The following NLRC5 variants were observed in gnomAD, a reference collection of about 807,000 sequenced individuals.
The protein encoded by NLRC5 is protein NLRC5.
NLRC5 carries 114 observed loss-of-function variants against 206.9 expected under a neutral mutation model. The observed-to-expected ratio is 0.55, with a 90% CI of 0.47 to 0.64. NLRC5 has a LOEUF of 0.64. NLRC5 is among the 30% of genes least tolerant of loss of function. The probability of loss-of-function intolerance (pLI) is 0.00; values close to 1 mark genes in which losing one functional copy is unlikely to be tolerated. For missense variants in NLRC5, 2,008 were observed against 2,305.5 expected, an observed-to-expected ratio of 0.87 and a Z score of 2.64; for synonymous variants, 952 against 962.8, an observed-to-expected ratio of 0.99 and a Z score of 0.21.
chr16:57,007,583 A>T (rs1243520169), intron 1 of NLRC5, among the ~76,000 whole-genome samples: 2 of 151,460 alleles, frequency 1.3e-5, no homozygotes, highest in Admixed American at 6.6e-5. Flanking sequence ...AAAAAAAATT[A>T]ATCAGGCATG....
intron 14 of NLRC5, among the ~76,000 whole-genome samples, chr16:57,036,636 G>A (rs2062615823): frequency 6.6e-6 from 1 of 151,464 alleles, no homozygotes; most frequent in Admixed American, 6.6e-5. Context: ...GTGCTGTGGT[G>A]TTGCATGGGG....
Position 57,026,862 on chromosome 16 carries a change from C to G in NLRC5, c.1919C>G (p.Pro640Arg), listed in dbSNP as rs1207249409. The G allele has an allele frequency of 6.2e-7, 1 of 1,614,216 alleles. No individual in the cohort carries two copies. The change falls in exon 6 of 49, where the codon CCC becomes CGC. Residue 640 changes from proline (P) to arginine (R), a missense_variant. Coordinates refer to ENST00000688547, the MANE Select transcript of NLRC5 (RefSeq NM_001384950.1). Reference sequence around the variant, plus strand: ...GCACAAAGCCTCCCCTATCAACTGCCCTTCCACAATTTCCCACTGACCTGC... The same window carrying G: ...GCACAAAGCCTCCCCTATCAACTGCGCTTCCACAATTTCCCACTGACCTGC... The part of the protein sequence containing the change: ...LTAQSLPYQL[P>R]FHNFPLTCTD...
rs990685214 is a variant in NLRC5, at chr16:57,021,693, T to A, written c.296-563T>A. ...GCTAGAGGTGTTTTTGTTTGTTTGTTTGTTTTGCAACATGGTCAGAAACAG... is the reference window on the plus strand; with the variant it reads ...GCTAGAGGTGTTTTTGTTTGTTTGTATGTTTTGCAACATGGTCAGAAACAG... On this transcript the variant is annotated intron_variant, in intron 3 of 48. Coordinates refer to ENST00000688547, the MANE Select transcript of NLRC5 (RefSeq NM_001384950.1). 2.0e-5 allele frequency among the ~76,000 whole-genome samples: 3 copies of A among 152,212 alleles called. No homozygotes were observed. In the South Asian group the frequency reaches 6.2e-4, roughly 31 times the overall value.
At position 57,026,049 on chromosome 16, in the gene NLRC5, G is replaced by A. The variant is rs768908242; in HGVS notation, c.1106G>A (p.Gly369Glu). ...AAMVHMLGFD[G>E]PRVEEYVNHF... ...ATGGTCCACATGTTGGGCTTTGATGGGCCACGGGTGGAAGAATATGTGAAT... is the reference window on the plus strand; with the variant it reads ...ATGGTCCACATGTTGGGCTTTGATGAGCCACGGGTGGAAGAATATGTGAAT... The change falls in exon 6 of 49, where the codon GGG (glycine) becomes GAG (glutamate). Residue 369 changes from glycine to glutamate, a missense_variant. Gly to Glu is a moderately conservative substitution (Grantham distance 98). Coordinates refer to ENST00000688547, the MANE Select transcript of NLRC5 (RefSeq NM_001384950.1). The A allele has an allele frequency of 9.9e-6, 16 of 1,614,028 alleles. No individual in the cohort carries two copies. Among genetic ancestry groups the A allele is most frequent in the Non-Finnish European group, 1.4e-5 (16 of 1,180,036 alleles).
Position 57,026,963 on chromosome 16 carries a change from CT to C in NLRC5, c.2021del (p.Leu674ArgfsTer10). 6.2e-7 allele frequency: 1 copy of C among 1,614,158 alleles called. No individual in the cohort carries two copies. The highest frequency in any genetic ancestry group is 8.5e-7 in the Non-Finnish European group (1 of 1,180,016). On this transcript the variant is annotated frameshift_variant, in exon 6 of 49. Coordinates refer to ENST00000688547, the MANE Select transcript of NLRC5 (RefSeq NM_001384950.1). LOFTEE classifies it high-confidence loss of function. ...PIHLDFDGCPLEPHCPEALVG... is the reference protein window; with the variant it reads ...PIHLDFDGCPXEPHCPEALVG... ...CCACCTGGATTTTGATGGCTGTCCC[CT>C]GGAGCCCCACTGCCCTGAGGCTCTG...
intron 43 of NLRC5, among the ~76,000 whole-genome samples, chr16:57,078,758 A>G (rs2145121336): frequency 6.6e-6 from 1 of 152,278 alleles, no homozygotes; most frequent in East Asian, 1.9e-4. Flanking sequence ...GGCGTGAGCC[A>G]CCATGGCTGG....
In NLRC5 at chr16:57,021,080, G is replaced by A. The variant is rs564279381; in HGVS notation, c.295+73G>A. The A allele has an allele frequency of 7.8e-6, 11 of 1,404,972 alleles. No individual in the cohort carries two copies. The East Asian group carries it at 2.1e-4, about 27-fold the overall frequency. 87.0% of individuals were successfully genotyped at this position (1,404,972 alleles called of 1,614,324 possible). On this transcript the variant is annotated intron_variant, in intron 3 of 48. Coordinates refer to ENST00000688547, the MANE Select transcript of NLRC5 (RefSeq NM_001384950.1). Reference sequence around the variant, plus strand: ...TCATGGGGAGCCGGGAGGAGCCCAGGGACCCACCTAAGTCAGAGAGAGGGT... The same window carrying A: ...TCATGGGGAGCCGGGAGGAGCCCAGAGACCCACCTAAGTCAGAGAGAGGGT...
intron 24 of NLRC5, among the ~76,000 whole-genome samples, chr16:57,054,176 A>C (rs566673021): frequency 6.6e-6 from 1 of 152,122 alleles, no homozygotes; most frequent in Non-Finnish European, 1.5e-5. Context: ...TTTGGTGGTC[A>C]TGACTGCGGG....
Position 57,042,207 on chromosome 16 carries a change from G to A in NLRC5, c.3113+142G>A, listed in dbSNP as rs376677772. 26 of 459,442 alleles carry A rather than the reference G, an allele frequency of 5.7e-5. 1 individual carries two copies. In the South Asian group the frequency reaches 6.2e-4, roughly 11 times the overall value. 28.5% of individuals were successfully genotyped at this position (459,442 alleles called of 1,614,324 possible). A position where few individuals can be genotyped will look rare whatever the true frequency, so the allele number is the denominator to read the frequency against. Reference sequence around the variant, plus strand: ...TGCCCCTAATACAATGTAAGTTCTCGGTGAAGGCTAGCTAATAGATGATTC... The same window carrying A: ...TGCCCCTAATACAATGTAAGTTCTCAGTGAAGGCTAGCTAATAGATGATTC... On this transcript the variant is annotated intron_variant, in intron 19 of 48. Transcript: ENST00000688547.
rs199476019 is a variant in NLRC5, at chr16:57,079,559, A to C, written c.5251A>C (p.Lys1751Gln). The change falls in exon 46 of 49, where the codon AAG (lysine) becomes CAG (glutamine). Residue 1751 changes from lysine (K) to glutamine (Q), a missense_variant. Coordinates refer to ENST00000688547, the MANE Select transcript of NLRC5 (RefSeq NM_001384950.1). The part of the protein sequence containing the change: ...LLRQIDLVSC[K>Q]IDNQTAKLLT... ...CTCCATCCCCAGCCTGGTTTCCTGT[A>C]AGATTGACAACCAGACTGCCAAGCT... 6.2e-7 allele frequency: 1 copy of C among 1,613,898 alleles called. No homozygotes were observed. The highest frequency in any genetic ancestry group is 8.5e-7 in the Non-Finnish European group (1 of 1,179,936).
intron 1 of NLRC5, among the ~76,000 whole-genome samples, chr16:56,997,455 G>A (rs1376008213): frequency 6.6e-6 from 1 of 152,112 alleles, no homozygotes; most frequent in Non-Finnish European, 1.5e-5. Flanking sequence ...ACCCAGATGA[G>A]GAAAACAGTG....
At chr16:57,012,418 C>G (rs2059594260) in intron 1 of NLRC5, among the ~76,000 whole-genome samples, 1 of 152,184 alleles carries the variant, frequency 6.6e-6, no homozygotes, top group Non-Finnish European at 1.5e-5. Context: ...GTTTTACATT[C>G]TAAGGCAGGG....
chr16:57,065,090 CA>C (rs1160709885), intron 32 of NLRC5, 121 bp from the exon 33 acceptor site: 13 of 469,504 alleles, frequency 2.8e-5, no homozygotes, highest in South Asian at 1.9e-4. Flanking sequence ...TTAAAATGAG[CA>C]AAAAAAACTC....
chr16:57,040,614 C>G lies in NLRC5; in HGVS notation c.2871-36C>G, dbSNP rs757009241. ...TGGATTCTGGAGATGGCGGACATGG[C>G]CTTTGCTCAGCCTGGCCTTGGTGAT... is the stretch of plus-strand genomic sequence containing the variant. On this transcript the variant is annotated intron_variant, in intron 16 of 48. Transcript: ENST00000688547. 5.6e-6 allele frequency: 9 copies of G among 1,601,380 alleles called. No homozygotes were observed. In the South Asian group the frequency reaches 6.6e-5, roughly 12 times the overall value.
chr16:57,043,430 C>T, intron 19 of NLRC5, 85 bp from the exon 20 acceptor site: 1 of 998,180 alleles, frequency 1.0e-6, no homozygotes, highest in South Asian at 1.3e-5. Flanking sequence ...AACCAGGGAT[C>T]CCTCCCCCGC....
intron 43 of NLRC5, among the ~76,000 whole-genome samples, chr16:57,078,470 T>TCTTTTTG (rs2068704181): frequency 7.8e-6 from 1 of 128,766 alleles, no homozygotes; most frequent in Admixed American, 7.8e-5. Flanking sequence ...GACCTTGTTT[T>TCTTTTTG]TTTTTTTTTT....
At position 57,082,622 on chromosome 16, in the gene NLRC5, C is replaced by A; in HGVS notation, c.*94C>A. ...GATAATTGACTCAGGAAAGAAGAGCCTCGGCAGGGCGCTCTGCACTCCACC... is the reference window on the plus strand; with the variant it reads ...GATAATTGACTCAGGAAAGAAGAGCATCGGCAGGGCGCTCTGCACTCCACC... On this transcript the variant is annotated 3_prime_UTR_variant, in exon 49 of 49. Transcript: ENST00000688547. 1.2e-6 allele frequency: 1 copy of A among 868,192 alleles called. No homozygotes were observed. The highest frequency in any genetic ancestry group is 1.8e-6 in the Non-Finnish European group (1 of 544,844). The allele number at this position is 868,192 out of a possible 1,614,324, so 53.8% of individuals were successfully genotyped here.
chr16:57,083,258 T>A lies in NLRC5; in HGVS notation c.*730T>A, dbSNP rs2069346383. On this transcript the variant is annotated 3_prime_UTR_variant, in exon 49 of 49. Transcript: ENST00000688547. Reference sequence around the variant, plus strand: ...TTACATACTAGCTTCCAAGGACAGGTGGAGGTAGGGCCAGCCTGGCGGGAG... The same window carrying A: ...TTACATACTAGCTTCCAAGGACAGGAGGAGGTAGGGCCAGCCTGGCGGGAG... The A allele has an allele frequency of 6.6e-6, 1 of 152,120 alleles. No homozygotes were observed. Among genetic ancestry groups the A allele is most frequent in the Non-Finnish European group, 1.5e-5 (1 of 68,092 alleles). 9.4% of individuals were successfully genotyped at this position (152,120 alleles called of 1,614,324 possible).
intron 24 of NLRC5, among the ~76,000 whole-genome samples, chr16:57,053,977 G>A (rs1217851521): frequency 6.6e-6 from 1 of 152,138 alleles, no homozygotes; most frequent in African/African-American, 2.4e-5. Context: ...GAAGTTGGTA[G>A]ACTCAGGGTG....
Sources: allele counts gnomAD v4.1 joint callset (sites outside exome capture counted in the v4.1 genomes callset), GRCh38; gene constraint gnomAD v4.1.1; transcripts MANE v1.5; gene names NCBI Gene and HGNC (gene_info 2026-07-23, HGNC 2026-07-21).